Variants in MECOM observed in about 807,000 individuals in gnomAD.
MECOM encodes histone-lysine N-methyltransferase MECOM.
A neutral mutation model predicts 116.3 loss-of-function variants in MECOM; 13 were observed. The observed-to-expected ratio is 0.11, with a 90% CI of 0.07 to 0.18. The LOEUF (loss-of-function observed/expected upper bound fraction) is 0.18, where lower values mean the gene tolerates loss of function less well. Ranked by LOEUF, MECOM falls within the 10% of genes least tolerant of loss-of-function variation. The probability of loss-of-function intolerance (pLI) is 1.00; values close to 1 mark genes in which losing one functional copy is unlikely to be tolerated. For missense variants in MECOM, 1,299 were observed against 1,509.0 expected (o/e 0.86, Z 2.31); for synonymous variants, 528 against 535.2 (o/e 0.99, Z 0.19).
intron 1 of MECOM, among the ~76,000 whole-genome samples, chr3:169,424,521 C>G (rs931787594): frequency 1.3e-5 from 2 of 152,128 alleles, no homozygotes; most frequent in African/African-American, 4.8e-5. Context: ...CACAATTGTA[C>G]AAACCTCCAT....
intron 2 of MECOM, among the ~76,000 whole-genome samples, chr3:169,180,793 TGATATATA>T (rs993672628): frequency 5.6e-5 from 4 of 71,218 alleles, no homozygotes; most frequent in East Asian, 5.7e-4. Context: ...TGTGTGGAGA[TGATATATA>T]TATATATATA....
intron 1 of MECOM, among the ~76,000 whole-genome samples, chr3:169,553,953 C>T (rs905389532): frequency 4.0e-5 from 6 of 148,552 alleles, no homozygotes; most frequent in African/African-American, 1.5e-4. Context: ...GAGGTTACGG[C>T]TTCAATATAT....
At chr3:169,305,919 C>T (rs1717608178) in intron 2 of MECOM, among the ~76,000 whole-genome samples, 1 of 151,588 alleles carries the variant, frequency 6.6e-6, no homozygotes, top group African/African-American at 2.4e-5. Context: ...TTGGGAATGT[C>T]TCTCCACCTA....
At chr3:169,473,241 G>A (rs78825802) in intron 1 of MECOM, among the ~76,000 whole-genome samples, 5,546 of 152,220 alleles carry the variant, frequency 0.036, 333 homozygotes, top group African/African-American at 0.13. Flanking sequence ...CTGGTGATCA[G>A]AATGATCACC....
intron 1 of MECOM, among the ~76,000 whole-genome samples, chr3:169,398,275 C>T (rs1255384642): frequency 6.6e-6 from 1 of 152,126 alleles, no homozygotes; most frequent in Non-Finnish European, 1.5e-5. Flanking sequence ...AGTGCTCTCT[C>T]TATGGATTTA....
At chr3:169,328,323 T>C (rs1039641194) in intron 2 of MECOM, among the ~76,000 whole-genome samples, 23 of 152,184 alleles carry the variant, frequency 1.5e-4, no homozygotes, top group African/African-American at 4.6e-4. Flanking sequence ...ACTGCACATT[T>C]TGTCAACATC....
At chr3:169,401,407 A>G (rs908113414) in intron 1 of MECOM, among the ~76,000 whole-genome samples, 2 of 150,680 alleles carry the variant, frequency 1.3e-5, no homozygotes, top group Non-Finnish European at 2.9e-5. Context: ...ATTCATTTCC[A>G]TTTACATTTA....
At chr3:169,544,866 G>GT (rs1760524069) in intron 1 of MECOM, among the ~76,000 whole-genome samples, 2 of 152,102 alleles carry the variant, frequency 1.3e-5, no homozygotes, top group Non-Finnish European at 2.9e-5. Context: ...ACCAGGGCCT[G>GT]TCAGCAGGTG....
At chr3:169,129,864 TA>T (rs953469040) in intron 4 of MECOM, among the ~76,000 whole-genome samples, 2 of 152,208 alleles carry the variant, frequency 1.3e-5, no homozygotes, top group Non-Finnish European at 1.5e-5. Context: ...AAAATGGATA[TA>T]ATTTCTTTCC....
chr3:169,487,231 G>T (rs1752489828), intron 1 of MECOM, among the ~76,000 whole-genome samples: 1 of 152,068 alleles, frequency 6.6e-6, no homozygotes, highest in Non-Finnish European at 1.5e-5. Context: ...GAAGGAGTAG[G>T]ATACAAGAAA....
intron 1 of MECOM, among the ~76,000 whole-genome samples, chr3:169,584,117 A>G (rs1765450011): frequency 6.6e-6 from 1 of 152,194 alleles, no homozygotes; most frequent in Non-Finnish European, 1.5e-5. Flanking sequence ...TCCTCAGTCC[A>G]TAAGCAAGTT....
At chr3:169,247,492 C>A (rs1755738156) in intron 2 of MECOM, among the ~76,000 whole-genome samples, 1 of 152,104 alleles carries the variant, frequency 6.6e-6, no homozygotes, top group Admixed American at 6.6e-5. Flanking sequence ...TTAGTAGAGA[C>A]AGGGTTTCTC....
chr3:169,441,958 C>G (rs1304891053), intron 1 of MECOM, among the ~76,000 whole-genome samples: 1 of 151,784 alleles, frequency 6.6e-6, no homozygotes, highest in East Asian at 1.9e-4. Context: ...TGGAGTCTCT[C>G]TCTGTTGCCC....
chr3:169,122,564 T>C lies in MECOM; in HGVS notation c.978+16A>G. The C allele has an allele frequency of 6.2e-7, 1 of 1,613,850 alleles. No individual in the cohort carries two copies. Among genetic ancestry groups the C allele is most frequent in the Non-Finnish European group, 8.5e-7 (1 of 1,179,780 alleles). On this transcript the variant is annotated intron_variant, in intron 6 of 16. Transcript: ENST00000651503. ...GATGACATAGAGAGGCCAAGTAGCC[T>C]ACAAATTCACTGTACCTTGGCACAG...
intron 2 of MECOM, among the ~76,000 whole-genome samples, chr3:169,270,976 G>GT (rs1758874517): frequency 1.3e-5 from 2 of 152,286 alleles, no homozygotes; most frequent in South Asian, 4.1e-4. Flanking sequence ...GTTGACAAGA[G>GT]TTTGAGTCCT....
At chr3:169,356,160 A>G (rs1449690261) in intron 2 of MECOM, among the ~76,000 whole-genome samples, 2 of 151,900 alleles carry the variant, frequency 1.3e-5, no homozygotes, top group African/African-American at 4.8e-5. Context: ...ATTCTTTGCC[A>G]AGTGTTGAGG....
At chr3:169,505,144 A>G (rs1464274596) in intron 1 of MECOM, among the ~76,000 whole-genome samples, 1 of 152,206 alleles carries the variant, frequency 6.6e-6, no homozygotes, top group Non-Finnish European at 1.5e-5. Flanking sequence ...TAATCTCAGT[A>G]TTTATACTAG....
chr3:169,572,127 C>A (rs1361588353), intron 1 of MECOM, among the ~76,000 whole-genome samples: 3 of 152,144 alleles, frequency 2.0e-5, no homozygotes, highest in Non-Finnish European at 2.9e-5. Context: ...CTATAAGGAA[C>A]CCAAACAAAT....
rs1723925733 is a variant in MECOM, at chr3:169,102,463, A to T, written c.2605-237T>A. 2.0e-5 allele frequency among the ~76,000 whole-genome samples: 3 copies of T among 152,220 alleles called. No individual in the cohort carries two copies. The South Asian group carries it at 6.2e-4, about 31-fold the overall frequency. On this transcript the variant is annotated intron_variant, in intron 10 of 16. Coordinates refer to ENST00000651503, the MANE Select transcript of MECOM (RefSeq NM_004991.4). ...GAACTTTTTCCATAAGACCTTGGTT[A>T]GGCCATTTTATCATAATCTGATATA...
Sources: allele counts gnomAD v4.1 joint callset (sites outside exome capture counted in the v4.1 genomes callset), GRCh38; gene constraint gnomAD v4.1.1; transcripts MANE v1.5; gene names NCBI Gene and HGNC (gene_info 2026-07-23, HGNC 2026-07-21).